Variants in HSD17B12 observed in about 807,000 individuals in gnomAD.
HSD17B12 encodes the protein very-long-chain 3-oxoacyl-CoA reductase.
Under a neutral mutation model 39.3 loss-of-function variants are expected in HSD17B12, and 32 were observed. That is an observed-to-expected ratio of 0.81 (90% CI 0.61 to 1.09). The LOEUF (loss-of-function observed/expected upper bound fraction) is 1.09, where lower values mean the gene tolerates loss of function less well. HSD17B12 is among the 50% of genes least tolerant of loss of function. The probability of loss-of-function intolerance (pLI) is 0.00; values close to 1 mark genes in which losing one functional copy is unlikely to be tolerated. For synonymous variants in HSD17B12, 150 were observed against 146.7 expected, an observed-to-expected ratio of 1.02 and a Z score of -0.16; for missense variants, 342 against 382.9, an observed-to-expected ratio of 0.89 and a Z score of 0.89.
the HSD17B12 span, among the ~76,000 whole-genome samples, chr11:43,604,635 C>T: frequency 1.6e-4 from 24 of 152,114 alleles, no homozygotes; most frequent in African/African-American, 5.8e-4. Flanking sequence ...GCATCAAGTA[C>T]AGGATTCTTC....
At chr11:43,736,827 T>G (rs994862533) in intron 1 of HSD17B12, among the ~76,000 whole-genome samples, 47 of 152,310 alleles carry the variant, frequency 3.1e-4, no homozygotes, top group African/African-American at 1.1e-3. Context: ...TAGCATTTGC[T>G]CTCAGGGACT....
the HSD17B12 span, among the ~76,000 whole-genome samples, chr11:43,578,060 T>C: frequency 3.3e-5 from 5 of 152,126 alleles, no homozygotes; most frequent in African/African-American, 9.7e-5. Flanking sequence ...AAGACATTCA[T>C]GCTGATTAAC....
At chr11:43,730,946 C>T (rs1950261617) in intron 1 of HSD17B12, among the ~76,000 whole-genome samples, 1 of 152,014 alleles carries the variant, frequency 6.6e-6, no homozygotes, top group Non-Finnish European at 1.5e-5. Flanking sequence ...TGAATAAAAT[C>T]CAGGGTCTCT....
At position 43,798,404 on chromosome 11, in the gene HSD17B12, C is replaced by A; in HGVS notation, c.368C>A (p.Ala123Asp). The A allele has an allele frequency of 6.2e-7, 1 of 1,610,468 alleles. No individual in the cohort carries two copies. The highest frequency in any genetic ancestry group is 8.5e-7 in the Non-Finnish European group (1 of 1,177,470). The change falls in exon 4 of 11, where the codon GCT (alanine) becomes GAT (aspartate). Residue 123 changes from alanine to aspartate, a missense_variant. Coordinates refer to ENST00000278353, the MANE Select transcript of HSD17B12 (RefSeq NM_016142.3). ...TATGATAAAATTAAAACAGGCTTGG[C>A]TGGTCTTGAAATCGGCATCTTAGGT... is the stretch of plus-strand genomic sequence containing the variant. The part of the protein sequence containing the change: ...DIYDKIKTGL[A>D]GLEIGILVNN...
the HSD17B12 span, among the ~76,000 whole-genome samples, chr11:43,623,112 C>T: frequency 3.9e-5 from 6 of 152,150 alleles, no homozygotes; most frequent in African/African-American, 1.4e-4. Flanking sequence ...GTTTTAAGCC[C>T]AATTGGTTAA....
chr11:43,669,732 T>G, the HSD17B12 span, among the ~76,000 whole-genome samples: 1 of 152,210 alleles, frequency 6.6e-6, no homozygotes, highest in African/African-American at 2.4e-5. Flanking sequence ...TGTGTTTCTC[T>G]AAATCTCTCT....
chr11:43,844,729 C>T (rs1441533262), intron 9 of HSD17B12, among the ~76,000 whole-genome samples: 3 of 152,206 alleles, frequency 2.0e-5, no homozygotes, highest in Middle Eastern at 3.2e-3. Flanking sequence ...AATCCTAAAA[C>T]TATACCTCTT....
chr11:43,608,317 A>G, the HSD17B12 span, among the ~76,000 whole-genome samples: 1 of 151,556 alleles, frequency 6.6e-6, no homozygotes, highest in Non-Finnish European at 1.5e-5. Context: ...AGCTGTGATC[A>G]TGCCACTGCA....
At chr11:43,774,998 C>T (rs1950685501) in intron 3 of HSD17B12, among the ~76,000 whole-genome samples, 1 of 152,136 alleles carries the variant, frequency 6.6e-6, no homozygotes, top group African/African-American at 2.4e-5. Context: ...TGGGCCTCAC[C>T]CAATCAGGTG....
Position 43,840,022 on chromosome 11 carries a change from G to T in HSD17B12, c.642G>T (p.Gln214His). Residue 214 changes from glutamine (Q) to histidine (H), a missense_variant, in exon 9 of 11, where the codon CAG (glutamine) becomes CAT (histidine). Gln to His is a conservative substitution (Grantham distance 24). Transcript: ENST00000278353. ...ATKTFVDFFS[Q>H]CLHEEYRSKG... is the part of the protein sequence containing the mutation. ...AGACTTTTGTAGATTTCTTCTCTCA[G>T]TGCCTCCATGAGGAGTATAGGAGCA... The T allele has an allele frequency of 6.2e-7, 1 of 1,612,438 alleles. No homozygotes were observed. Among genetic ancestry groups the T allele is most frequent in the South Asian group, 1.1e-5 (1 of 90,940 alleles).
intron 1 of HSD17B12, among the ~76,000 whole-genome samples, chr11:43,698,823 A>C (rs112966374): frequency 0.018 from 2,683 of 152,260 alleles, 79 homozygotes; most frequent in African/African-American, 0.062. Flanking sequence ...AGCTTGTGTG[A>C]GGTTCACATT....
At chr11:43,791,567 T>C (rs1950868407) in intron 3 of HSD17B12, among the ~76,000 whole-genome samples, 1 of 151,798 alleles carries the variant, frequency 6.6e-6, no homozygotes, top group East Asian at 1.9e-4. Flanking sequence ...AAGAGGAATA[T>C]TTTGCCTTTT....
At chr11:43,708,331 A>T (rs1950034014) in intron 1 of HSD17B12, among the ~76,000 whole-genome samples, 1 of 152,200 alleles carries the variant, frequency 6.6e-6, no homozygotes. Context: ...CTCTCTGAAA[A>T]CTATACATTT....
At chr11:43,712,554 A>T (rs972388877) in intron 1 of HSD17B12, among the ~76,000 whole-genome samples, 1 of 152,060 alleles carries the variant, frequency 6.6e-6, no homozygotes, top group African/African-American at 2.4e-5. Context: ...TCTACCTATG[A>T]CCTAGAAGCC....
intron 6 of HSD17B12, among the ~76,000 whole-genome samples, chr11:43,822,723 G>A (rs1401244095): frequency 6.6e-6 from 1 of 152,118 alleles, no homozygotes; most frequent in African/African-American, 2.4e-5. Flanking sequence ...TCTTAATCCA[G>A]TCTATCATTG....
At chr11:43,582,575 G>A in the HSD17B12 span, among the ~76,000 whole-genome samples, 2 of 152,202 alleles carry the variant, frequency 1.3e-5, no homozygotes, top group African/African-American at 4.8e-5. Context: ...TAGAGACACC[G>A]GAGTTCAAGA....
intron 3 of HSD17B12, among the ~76,000 whole-genome samples, chr11:43,796,478 A>G (rs1255497008): frequency 6.6e-6 from 1 of 152,256 alleles, no homozygotes; most frequent in African/African-American, 2.4e-5. Flanking sequence ...AATTTTAATT[A>G]ACCTGAAAAA....
At chr11:43,557,985 C>T in the HSD17B12 span, among the ~76,000 whole-genome samples, 1 of 152,104 alleles carries the variant, frequency 6.6e-6, no homozygotes, top group Admixed American at 6.5e-5. Flanking sequence ...GGCCATGTGA[C>T]GATAGGGAGG....
the HSD17B12 span, among the ~76,000 whole-genome samples, chr11:43,604,970 G>A: frequency 6.6e-6 from 1 of 152,200 alleles, no homozygotes; most frequent in Non-Finnish European, 1.5e-5. Flanking sequence ...CCTAGAGTTA[G>A]AGCGTCCTTT....
Sources: gnomAD v4.1 joint callset for allele counts (sites outside exome capture counted in the v4.1 genomes callset) on GRCh38, gnomAD v4.1.1 for gene constraint, MANE v1.5 for transcripts, NCBI Gene and HGNC (gene_info 2026-07-23, HGNC 2026-07-21) for gene names.